UNC13C: variants seen among roughly 807,000 people sequenced by gnomAD.
The protein encoded by UNC13C is protein unc-13 homolog C.
UNC13C carries 174 observed loss-of-function variants against 245.4 expected under a neutral mutation model. That is an observed-to-expected ratio of 0.71 (90% CI 0.63 to 0.80). The LOEUF (loss-of-function observed/expected upper bound fraction) is 0.80, where lower values mean the gene tolerates loss of function less well. Ranked by LOEUF, UNC13C falls within the 30% of genes least tolerant of loss-of-function variation. The pLI is 0.00. For synonymous variants in UNC13C, 992 were observed against 895.1 expected (o/e 1.11, Z -1.93); for missense variants, 2,829 against 2,602.9 (o/e 1.09, Z -1.89).
At chr15:54,234,783 A>G (rs771942894) in intron 4 of UNC13C, among the ~76,000 whole-genome samples, 4 of 152,208 alleles carry the variant, frequency 2.6e-5, no homozygotes, top group Non-Finnish European at 5.9e-5. Context: ...GTGTCCATCC[A>G]GGCCATGTAT....
chr15:54,303,866 A>T (rs1256376499), intron 13 of UNC13C, among the ~76,000 whole-genome samples: 1 of 152,084 alleles, frequency 6.6e-6, no homozygotes, highest in Non-Finnish European at 1.5e-5. Context: ...CAGGTAGAGG[A>T]GAGACAAATG....
intron 19 of UNC13C, among the ~76,000 whole-genome samples, chr15:54,473,735 GT>G (rs202192040): frequency 3.3e-5 from 5 of 150,096 alleles, no homozygotes; most frequent in Middle Eastern, 3.5e-3. Context: ...TCTTTTTTTA[GT>G]TTTTTTTTAT....
chr15:54,119,321 T>C (rs1312335802), intron 2 of UNC13C, among the ~76,000 whole-genome samples: 1 of 132,004 alleles, frequency 7.6e-6, no homozygotes, highest in East Asian at 2.2e-4. Context: ...TGGTAATTCT[T>C]GAAATATTTT....
chr15:54,316,331 C>T (rs1401178881), intron 13 of UNC13C, among the ~76,000 whole-genome samples: 1 of 151,780 alleles, frequency 6.6e-6, no homozygotes, highest in African/African-American at 2.4e-5. Context: ...TCTTTCTTTC[C>T]ATAGTGCCTT....
intron 17 of UNC13C, among the ~76,000 whole-genome samples, chr15:54,384,772 C>T (rs1358180392): frequency 6.6e-6 from 1 of 151,978 alleles, no homozygotes; most frequent in Non-Finnish European, 1.5e-5. Context: ...TCCTACAGGG[C>T]ACTAATATCT....
intron 2 of UNC13C, among the ~76,000 whole-genome samples, chr15:54,039,481 GA>G (rs1354169677): frequency 2.0e-5 from 3 of 152,098 alleles, no homozygotes; most frequent in African/African-American, 7.2e-5. Flanking sequence ...TGAAAGTAAG[GA>G]AAAATAACCA....
At chr15:53,962,216 G>A in the UNC13C span, among the ~76,000 whole-genome samples, 1 of 151,982 alleles carries the variant, frequency 6.6e-6, no homozygotes, top group East Asian at 1.9e-4. Context: ...ACACTGCTAA[G>A]CATTTTGCTG....
At chr15:53,936,268 C>G in the UNC13C span, among the ~76,000 whole-genome samples, 117 of 152,280 alleles carry the variant, frequency 7.7e-4, no homozygotes, top group African/African-American at 2.7e-3. Context: ...CATGGCCAGA[C>G]TGCTCCTTTA....
At chr15:54,509,528 T>G (rs939338205) in intron 23 of UNC13C, among the ~76,000 whole-genome samples, 2 of 152,100 alleles carry the variant, frequency 1.3e-5, no homozygotes, top group South Asian at 2.1e-4. Context: ...TGTTCCAGAT[T>G]GAGATAAAAT....
At chr15:54,134,038 A>G (rs1189098689) in intron 2 of UNC13C, among the ~76,000 whole-genome samples, 3 of 125,032 alleles carry the variant, frequency 2.4e-5, no homozygotes, top group East Asian at 4.7e-4. Context: ...ATCCATCACT[A>G]TACTGAGTTA....
intron 2 of UNC13C, among the ~76,000 whole-genome samples, chr15:54,119,285 C>G (rs2030498408): frequency 6.6e-6 from 1 of 152,066 alleles, no homozygotes; most frequent in African/African-American, 2.4e-5. Flanking sequence ...CAAGAACAGT[C>G]TCACTTCATG....
chr15:54,154,918 T>C (rs1303643189), intron 4 of UNC13C, among the ~76,000 whole-genome samples: 1 of 152,226 alleles, frequency 6.6e-6, no homozygotes, highest in Non-Finnish European at 1.5e-5. Flanking sequence ...ATAAGAACTG[T>C]CTTTGTAAAT....
At chr15:54,227,614 C>T (rs982666490) in intron 4 of UNC13C, among the ~76,000 whole-genome samples, 4 of 152,194 alleles carry the variant, frequency 2.6e-5, no homozygotes, top group Admixed American at 2.0e-4. Context: ...GTCATGACAG[C>T]ATTCCAGGCT....
At chr15:54,152,840 T>C (rs994330346) in intron 4 of UNC13C, among the ~76,000 whole-genome samples, 5 of 151,846 alleles carry the variant, frequency 3.3e-5, no homozygotes, top group Admixed American at 6.6e-5. Flanking sequence ...ATCTAATATA[T>C]ATAAAAGTCT....
At chr15:54,411,487 C>G (rs1209108027) in intron 18 of UNC13C, among the ~76,000 whole-genome samples, 1 of 152,090 alleles carries the variant, frequency 6.6e-6, no homozygotes, top group African/African-American at 2.4e-5. Flanking sequence ...GCATTTTGGT[C>G]TGTGGTCCTT....
chr15:54,439,515 G>C (rs143954027), intron 19 of UNC13C, among the ~76,000 whole-genome samples: 13 of 151,910 alleles, frequency 8.6e-5, no homozygotes, highest in African/African-American at 3.1e-4. Flanking sequence ...AAATTACCAA[G>C]ATCCTACAAT....
chr15:54,365,261 G>A (rs1242433683), intron 17 of UNC13C, among the ~76,000 whole-genome samples: 1 of 151,884 alleles, frequency 6.6e-6, no homozygotes, highest in Admixed American at 6.6e-5. Context: ...GTCCTTTTTG[G>A]AGGCTAAGTA....
At chr15:53,955,086 C>T in the UNC13C span, among the ~76,000 whole-genome samples, 1 of 152,100 alleles carries the variant, frequency 6.6e-6, no homozygotes, top group Non-Finnish European at 1.5e-5. Flanking sequence ...AGCATAAGTG[C>T]CAGAATAGTG....
intron 12 of UNC13C, 59 bp downstream of exon 12, chr15:54,297,985 T>C: frequency 8.6e-7 from 1 of 1,164,048 alleles, no homozygotes; most frequent in Non-Finnish European, 1.2e-6. Flanking sequence ...TTATGGATTA[T>C]AAAACAGAAT....
Sources: gnomAD v4.1 joint callset for allele counts (sites outside exome capture counted in the v4.1 genomes callset) on GRCh38, gnomAD v4.1.1 for gene constraint, MANE v1.5 for transcripts, NCBI Gene and HGNC (gene_info 2026-07-23, HGNC 2026-07-21) for gene names.